The following OR4B1 variants were observed in gnomAD, a reference collection of about 807,000 sequenced individuals.
OR4B1 encodes olfactory receptor 4B1.
For synonymous variants in OR4B1, 196 were observed against 141.2 expected (o/e 1.39, Z -2.75); for missense variants, 520 against 370.7 (o/e 1.40, Z -3.31).
chr11:48,217,646 G>A lies in OR4B1; in HGVS notation c.837G>A (p.Met279Ile). Reference sequence around the variant, plus strand: ...TATTCTACACGGTCATCACCCCCATGCTGAACCCCATCATTTACACACTCA... The same window carrying A: ...TATTCTACACGGTCATCACCCCCATACTGAACCCCATCATTTACACACTCA... ...VAVFYTVITP[M>I]LNPIIYTLRN... is the part of the protein sequence containing the mutation. Residue 279 changes from methionine (M) to isoleucine (I), a missense_variant, in exon 1 of 1, where the codon ATG (methionine) becomes ATA (isoleucine). Met to Ile is a conservative substitution (Grantham distance 10, BLOSUM62 1). Transcript: ENST00000309562. The A allele has an allele frequency of 6.2e-7, 1 of 1,610,100 alleles. No individual in the cohort carries two copies. Among genetic ancestry groups the A allele is most frequent in the Non-Finnish European group, 8.5e-7 (1 of 1,179,996 alleles).
Position 48,217,338 on chromosome 11 carries a change from T to G in OR4B1, c.529T>G (p.Cys177Gly), listed in dbSNP as rs1359024822. 1 of 1,614,224 alleles carries G rather than the reference T, an allele frequency of 6.2e-7. No individual in the cohort carries two copies. Among genetic ancestry groups the G allele is most frequent in the South Asian group, 1.1e-5 (1 of 91,090 alleles). The change falls in exon 1 of 1, where the codon TGT becomes GGT. Residue 177 changes from cysteine to glycine, a missense_variant. Cys to Gly is a radical substitution (Grantham distance 159, BLOSUM62 -3). Coordinates refer to ENST00000309562, the MANE Select transcript of OR4B1 (RefSeq NM_001005470.1). ...TCCCAATGTGATTGACCACTATTTC[T>G]GTGACCTCCAGCCTTTATTCAAGCT... ...CGPNVIDHYF[C>G]DLQPLFKLAC...
chr11:48,216,975 C>G lies in OR4B1; in HGVS notation c.166C>G (p.Pro56Ala). Residue 56 changes from proline (P) to alanine (A), a missense_variant, in exon 1 of 1, where the codon CCC (proline) becomes GCC (alanine). Transcript: ENST00000309562. Reference sequence around the variant, plus strand: ...CAGTATCAGCAAGAGTCTGGATTCTCCCATGTACTTCTTCCTTAGCTGCCT... The same window carrying G: ...CAGTATCAGCAAGAGTCTGGATTCTGCCATGTACTTCTTCCTTAGCTGCCT... The part of the protein sequence containing the change: ...TVSISKSLDS[P>A]MYFFLSCLSL... The G allele has an allele frequency of 6.2e-7, 1 of 1,614,142 alleles. No homozygotes were observed.
At position 48,217,648 on chromosome 11, in the gene OR4B1, T is replaced by G; in HGVS notation, c.839T>G (p.Leu280Arg). 6.2e-7 allele frequency: 1 copy of G among 1,610,004 alleles called. No individual in the cohort carries two copies. The highest frequency in any genetic ancestry group is 8.5e-7 in the Non-Finnish European group (1 of 1,179,972). ...AVFYTVITPM[L>R]NPIIYTLRNA... ...TTCTACACGGTCATCACCCCCATGCTGAACCCCATCATTTACACACTCAGG... is the reference window on the plus strand; with the variant it reads ...TTCTACACGGTCATCACCCCCATGCGGAACCCCATCATTTACACACTCAGG... The change falls in exon 1 of 1, where the codon CTG (leucine) becomes CGG (arginine). Residue 280 changes from leucine to arginine, a missense_variant. Coordinates refer to ENST00000309562, the MANE Select transcript of OR4B1 (RefSeq NM_001005470.1).
In OR4B1 at chr11:48,217,321, T is replaced by C. The variant is rs1394165014; in HGVS notation, c.512T>C (p.Val171Ala). The C allele has an allele frequency of 6.2e-7, 1 of 1,614,194 alleles. No individual in the cohort carries two copies. Among genetic ancestry groups the C allele is most frequent in the South Asian group, 1.1e-5 (1 of 91,088 alleles). The change falls in exon 1 of 1, where the codon GTG becomes GCG. Residue 171 changes from valine (V) to alanine (A), a missense_variant. Physicochemically the swap from Val to Ala is moderately conservative, Grantham distance 64. Coordinates refer to ENST00000309562, the MANE Select transcript of OR4B1 (RefSeq NM_001005470.1). Reference sequence around the variant, plus strand: ...CAATTGCCCTTCTGTGGTCCCAATGTGATTGACCACTATTTCTGTGACCTC... The same window carrying C: ...CAATTGCCCTTCTGTGGTCCCAATGCGATTGACCACTATTTCTGTGACCTC... ...IIQLPFCGPN[V>A]IDHYFCDLQP...
rs778518258 is a variant in OR4B1 at position 48,217,695 on chromosome 11, A to G, written c.886A>G (p.Ile296Val). The G allele has an allele frequency of 6.9e-6, 11 of 1,602,488 alleles. No homozygotes were observed. The East Asian group carries it at 1.1e-4, about 16-fold the overall frequency. Residue 296 changes from isoleucine to valine, a missense_variant, in exon 1 of 1, where the codon ATA (isoleucine) becomes GTA (valine). Coordinates refer to ENST00000309562, the MANE Select transcript of OR4B1 (RefSeq NM_001005470.1). Reference sequence around the variant, plus strand: ...CAGGAATGCAGAGGTGAAAATCGCCATAAGAAGATTGTGGAGCAAAAAGGA... The same window carrying G: ...CAGGAATGCAGAGGTGAAAATCGCCGTAAGAAGATTGTGGAGCAAAAAGGA... ...TLRNAEVKIA[I>V]RRLWSKKENP...
chr11:48,217,221 C>T lies in OR4B1; in HGVS notation c.412C>T (p.Leu138=), dbSNP rs61731416. Residue 138 remains leucine (L), a synonymous_variant, in exon 1 of 1, where the codon CTG becomes TTG. Transcript: ENST00000309562. The part of the protein sequence containing the change: ...LHYMNIISRQ[L]CHLLVAGSWL... The stretch of plus-strand genomic sequence containing the variant: ...TTATATGAACATTATCAGTCGTCAA[C>T]TGTGTCACCTTCTGGTGGCTGGTTC... 0.017 allele frequency: 27,767 copies of T among 1,614,154 alleles called. 394 individuals carry two copies. Among genetic ancestry groups the T allele is most frequent in the South Asian group, 0.06 (5,435 of 91,076 alleles).
rs764856324 is a variant in OR4B1, at chr11:48,217,204, A to G, written c.395A>G (p.Asn132Ser). The change falls in exon 1 of 1, where the codon AAC becomes AGC. Residue 132 changes from asparagine to serine, a missense_variant. Transcript: ENST00000309562. The part of the protein sequence containing the change: ...VAICKPLHYM[N>S]IISRQLCHLL... ...ATTTGCAAGCCTCTTCATTATATGA[A>G]CATTATCAGTCGTCAACTGTGTCAC... is the stretch of plus-strand genomic sequence containing the variant. 1 of 1,614,130 alleles carries G rather than the reference A, an allele frequency of 6.2e-7. No homozygotes were observed. The highest frequency in any genetic ancestry group is 1.1e-5 in the South Asian group (1 of 91,078).
chr11:48,217,507 A>G lies in OR4B1; in HGVS notation c.698A>G (p.Lys233Arg). Residue 233 changes from lysine to arginine, a missense_variant, in exon 1 of 1, where the codon AAA becomes AGA. Lys to Arg is a conservative substitution (Grantham distance 26, BLOSUM62 2). Coordinates refer to ENST00000309562, the MANE Select transcript of OR4B1 (RefSeq NM_001005470.1). ...LRNHSAEGRH[K>R]ALSTCASHIT... ...AACCATTCTGCAGAGGGGAGGCACA[A>G]AGCCCTCTCCACCTGTGCTTCTCAC... The G allele has an allele frequency of 6.2e-7, 1 of 1,614,072 alleles. No homozygotes were observed. The highest frequency in any genetic ancestry group is 1.7e-4 in the Middle Eastern group (1 of 6,060).
In OR4B1 at chr11:48,216,847, C is replaced by G. The variant is rs753943173; in HGVS notation, c.38C>G (p.Thr13Ser). 2 of 1,614,058 alleles carry G rather than the reference C, an allele frequency of 1.2e-6. No individual in the cohort carries two copies. The highest frequency in any genetic ancestry group is 8.5e-7 in the Non-Finnish European group (1 of 1,179,952). Residue 13 changes from threonine (T) to serine (S), a missense_variant, in exon 1 of 1, where the codon ACT (threonine) becomes AGT (serine). Thr to Ser is a moderately conservative substitution (Grantham distance 58). Transcript: ENST00000309562. Reference sequence around the variant, plus strand: ...AGTAATGTGACTGAGTTGATTTTCACTGGCCTTTTCCAGGATCCAGCTGTG... The same window carrying G: ...AGTAATGTGACTGAGTTGATTTTCAGTGGCCTTTTCCAGGATCCAGCTGTG... ...STSNVTELIF[T>S]GLFQDPAVQS... is the part of the protein sequence containing the mutation.
rs140204142 is a variant in OR4B1 at position 48,217,546 on chromosome 11, T to A, written c.737T>A (p.Ile246Asn). 4.3e-5 allele frequency: 69 copies of A among 1,614,050 alleles called. No homozygotes were observed. Among genetic ancestry groups the A allele is most frequent in the Non-Finnish European group, 5.4e-5 (64 of 1,180,040 alleles). Reference sequence around the variant, plus strand: ...TGTGCTTCTCACATCACAGTGGTCATCTTGTTTTTTGGACCTGCTATCTTC... The same window carrying A: ...TGTGCTTCTCACATCACAGTGGTCAACTTGTTTTTTGGACCTGCTATCTTC... ...STCASHITVV[I>N]LFFGPAIFLY... Residue 246 changes from isoleucine (I) to asparagine (N), a missense_variant, in exon 1 of 1, where the codon ATC becomes AAC. Coordinates refer to ENST00000309562, the MANE Select transcript of OR4B1 (RefSeq NM_001005470.1).
Position 48,216,950 on chromosome 11 carries a change from C to G in OR4B1, c.141C>G (p.Val47=). The G allele has an allele frequency of 6.2e-7, 1 of 1,614,130 alleles. No homozygotes were observed. ...VVGNGLIVLT[V]SISKSLDSPM... ...GCAATGGCCTCATCGTTCTGACGGTCAGTATCAGCAAGAGTCTGGATTCTC... is the reference window on the plus strand; with the variant it reads ...GCAATGGCCTCATCGTTCTGACGGTGAGTATCAGCAAGAGTCTGGATTCTC... The change falls in exon 1 of 1, where the codon GTC becomes GTG. Residue 47 remains valine, a synonymous_variant. Transcript: ENST00000309562.
chr11:48,217,024 C>G lies in OR4B1; in HGVS notation c.215C>G (p.Ser72Cys). 6.2e-7 allele frequency: 1 copy of G among 1,612,594 alleles called. No individual in the cohort carries two copies. Among genetic ancestry groups the G allele is most frequent in the Non-Finnish European group, 8.5e-7 (1 of 1,178,636 alleles). The change falls in exon 1 of 1, where the codon TCC becomes TGC. Residue 72 changes from serine (S) to cysteine (C), a missense_variant. Physicochemically the swap from Ser to Cys is moderately radical, Grantham distance 112. Transcript: ENST00000309562. ...CTGTCCTTGGTGGAGATCAGTTATT[C>G]CTCCACTATCGCCCCTAAATTCATC... ...SCLSLVEISY[S>C]STIAPKFIID...
rs747174831 is a variant in OR4B1 at position 48,217,387 on chromosome 11, AG to A, written c.583del (p.Val195LeufsTer29). 6.2e-7 allele frequency: 1 copy of A among 1,613,932 alleles called. No homozygotes were observed. The highest frequency in any genetic ancestry group is 1.7e-5 in the Admixed American group (1 of 59,976). On this transcript the variant is annotated frameshift_variant, in exon 1 of 1. Transcript: ENST00000309562. LOFTEE classifies it low-confidence loss of function (END_TRUNC). ...CTTGCCTGCACTGACACCTTCATGG[AG>A]GGGGTTATTGTGTTGGCCAACAGTG... ...FKLACTDTFM[E>X]GVIVLANSGL...
chr11:48,217,501 G>C lies in OR4B1; in HGVS notation c.692G>C (p.Arg231Thr). ...TTGAGGAACCATTCTGCAGAGGGGA[G>C]GCACAAAGCCCTCTCCACCTGTGCT... Reference protein sequence around the residue: ...VNLRNHSAEGRHKALSTCASH... With the variant: ...VNLRNHSAEGTHKALSTCASH... The change falls in exon 1 of 1, where the codon AGG (arginine) becomes ACG (threonine). Residue 231 changes from arginine (R) to threonine (T), a missense_variant. Physicochemically the swap from Arg to Thr is moderately conservative, Grantham distance 71. Coordinates refer to ENST00000309562, the MANE Select transcript of OR4B1 (RefSeq NM_001005470.1). The C allele has an allele frequency of 6.2e-7, 1 of 1,614,070 alleles. No homozygotes were observed. Among genetic ancestry groups the C allele is most frequent in the Non-Finnish European group, 8.5e-7 (1 of 1,179,980 alleles).
rs763619927 is a variant in OR4B1 at position 48,216,995 on chromosome 11, C to T, written c.186C>T (p.Ser62=). The stretch of plus-strand genomic sequence containing the variant: ...ATTCTCCCATGTACTTCTTCCTTAG[C>T]TGCCTGTCCTTGGTGGAGATCAGTT... ...SLDSPMYFFL[S]CLSLVEISYS... is the part of the protein sequence containing the mutation. Residue 62 remains serine (S), a synonymous_variant, in exon 1 of 1, where the codon AGC becomes AGT. Transcript: ENST00000309562. The T allele has an allele frequency of 5.6e-6, 9 of 1,614,096 alleles. No homozygotes were observed. The South Asian group carries it at 8.8e-5, about 16-fold the overall frequency.
At position 48,217,487 on chromosome 11, in the gene OR4B1, T is replaced by C. The variant is rs774559608; in HGVS notation, c.678T>C (p.His226=). Residue 226 remains histidine, a synonymous_variant, in exon 1 of 1, where the codon CAT becomes CAC. Transcript: ENST00000309562. The part of the protein sequence containing the change: ...YIVILVNLRN[H]SAEGRHKALS... Reference sequence around the variant, plus strand: ...TCATTCTGGTCAACTTGAGGAACCATTCTGCAGAGGGGAGGCACAAAGCCC... The same window carrying C: ...TCATTCTGGTCAACTTGAGGAACCACTCTGCAGAGGGGAGGCACAAAGCCC... 2.5e-6 allele frequency: 4 copies of C among 1,614,166 alleles called. No homozygotes were observed. The Middle Eastern group carries it at 6.6e-4, about 266-fold the overall frequency.
rs771384656 is a variant in OR4B1 at position 48,217,729 on chromosome 11, G to A, written c.920G>A (p.Gly307Glu). ...RRLWSKKENP[G>E]RE ...TTGTGGAGCAAAAAGGAGAATCCAGGGAGGGAGTGAAAAAAGAGCTTAGGG... is the reference window on the plus strand; with the variant it reads ...TTGTGGAGCAAAAAGGAGAATCCAGAGAGGGAGTGAAAAAAGAGCTTAGGG... Residue 307 changes from glycine (G) to glutamate (E), a missense_variant, in exon 1 of 1, where the codon GGG becomes GAG. Physicochemically the swap from Gly to Glu is moderately conservative, Grantham distance 98. Coordinates refer to ENST00000309562, the MANE Select transcript of OR4B1 (RefSeq NM_001005470.1). The A allele has an allele frequency of 6.3e-7, 1 of 1,589,014 alleles. No homozygotes were observed. The highest frequency in any genetic ancestry group is 1.1e-5 in the South Asian group (1 of 89,504).
rs756788984 is a variant in OR4B1, at chr11:48,217,143, T to C, written c.334T>C (p.Leu112=). The part of the protein sequence containing the change: ...FHFFGVAEIL[L]IVVMAYDCYV... ...CTTCTTTGGGGTTGCTGAGATCCTT[T>C]TGATTGTGGTGATGGCCTATGATTG... The change falls in exon 1 of 1, where the codon TTG becomes CTG. Residue 112 remains leucine (L), a synonymous_variant. Transcript: ENST00000309562. 6.2e-7 allele frequency: 1 copy of C among 1,614,136 alleles called. No homozygotes were observed. Among genetic ancestry groups the C allele is most frequent in the Admixed American group, 1.7e-5 (1 of 60,014 alleles).
Position 48,217,580 on chromosome 11 carries a change from G to C in OR4B1, c.771G>C (p.Met257Ile), listed in dbSNP as rs1306801096. 1 of 1,614,006 alleles carries C rather than the reference G, an allele frequency of 6.2e-7. No individual in the cohort carries two copies. The highest frequency in any genetic ancestry group is 8.5e-7 in the Non-Finnish European group (1 of 1,180,030). Reference sequence around the variant, plus strand: ...TTGGACCTGCTATCTTCCTCTACATGCGACCTTCTTCCACTTTCACTGAAG... The same window carrying C: ...TTGGACCTGCTATCTTCCTCTACATCCGACCTTCTTCCACTTTCACTGAAG... ...LFFGPAIFLYMRPSSTFTEDK... is the reference protein window; with the variant it reads ...LFFGPAIFLYIRPSSTFTEDK... Residue 257 changes from methionine to isoleucine, a missense_variant, in exon 1 of 1, where the codon ATG becomes ATC. Physicochemically the swap from Met to Ile is conservative, Grantham distance 10. Coordinates refer to ENST00000309562, the MANE Select transcript of OR4B1 (RefSeq NM_001005470.1).
Sources: allele counts gnomAD v4.1 joint callset, GRCh38; gene constraint gnomAD v4.1.1; transcripts MANE v1.5; gene names NCBI Gene and HGNC (gene_info 2026-07-23, HGNC 2026-07-21).